ANKRD44: variants seen among roughly 807,000 people sequenced by gnomAD.
ANKRD44 encodes ankyrin repeat domain 44.
A neutral mutation model predicts 116.0 loss-of-function variants in ANKRD44; 35 were observed. The observed-to-expected ratio is 0.30, with a 90% CI of 0.23 to 0.40. ANKRD44 has a LOEUF of 0.40. ANKRD44 is among the 10% of genes least tolerant of loss of function. The pLI, the probability that ANKRD44 is intolerant of heterozygous loss-of-function variation, is 1.00. For synonymous variants in ANKRD44, 435 were observed against 461.8 expected, an observed-to-expected ratio of 0.94 and a Z score of 0.74; for missense variants, 1,014 against 1,242.6, an observed-to-expected ratio of 0.82 and a Z score of 2.77.
intron 5 of ANKRD44, 44 bp from the exon 6 acceptor site, chr2:197,125,512 G>T: frequency 6.5e-7 from 1 of 1,540,536 alleles, no homozygotes; most frequent in Non-Finnish European, 9.0e-7. Flanking sequence ...ATTCTGTAAT[G>T]GTGAGGCCTC....
chr2:197,059,360 C>G (rs1354215871), intron 16 of ANKRD44, among the ~76,000 whole-genome samples: 3 of 152,170 alleles, frequency 2.0e-5, no homozygotes, highest in Non-Finnish European at 2.9e-5. Flanking sequence ...TTTGGGACAG[C>G]ATTTTTAATG....
In ANKRD44 at chr2:197,115,395, G is replaced by A. The variant is rs547517193; in HGVS notation, c.907-4551C>T. Among the ~76,000 whole-genome samples, 4 of 152,276 alleles carry A rather than the reference G, an allele frequency of 2.6e-5. No homozygotes were observed. The East Asian group carries it at 7.7e-4, about 29-fold the overall frequency. ...TGTTCTACCTATTTACAAATTATAA[G>A]TAAACCATCAATTGATTATTGTATC... is the stretch of plus-strand genomic sequence containing the variant. On this transcript the variant is annotated intron_variant, in intron 8 of 27. Transcript: ENST00000282272.
At chr2:197,137,786 G>C in intron 3 of ANKRD44, among the ~76,000 whole-genome samples, 1 of 152,152 alleles carries the variant, frequency 6.6e-6, no homozygotes, top group South Asian at 2.1e-4. Context: ...TCAAAGTTGA[G>C]AGCCACTGAT....
intron 2 of ANKRD44, among the ~76,000 whole-genome samples, chr2:197,161,159 C>T (rs181593858): frequency 5.4e-4 from 82 of 152,218 alleles, no homozygotes; most frequent in Middle Eastern, 3.4e-3. Flanking sequence ...TGGCAGGCTT[C>T]GAAGCCCCTT....
At chr2:197,206,329 C>T (rs2081204561) in intron 1 of ANKRD44, among the ~76,000 whole-genome samples, 1 of 152,084 alleles carries the variant, frequency 6.6e-6, no homozygotes, top group Non-Finnish European at 1.5e-5. Flanking sequence ...TCTCTGCTGC[C>T]GTGAAGTTCA....
intron 1 of ANKRD44, among the ~76,000 whole-genome samples, chr2:197,267,268 T>C (rs2105760400): frequency 6.6e-6 from 1 of 152,380 alleles, no homozygotes; most frequent in South Asian, 2.1e-4. Context: ...TCTTTTAAAA[T>C]GCTAAAATCA....
chr2:197,144,784 G>A (rs1356034619), intron 3 of ANKRD44, among the ~76,000 whole-genome samples: 1 of 152,146 alleles, frequency 6.6e-6, no homozygotes, highest in African/African-American at 2.4e-5. Context: ...CCCTTGTGAA[G>A]GTGATGTGAA....
At position 196,988,287 on chromosome 2, in the gene ANKRD44, C is replaced by T. The variant is rs77106173; in HGVS notation, c.*1304G>A. 891 of 985,432 alleles carry T rather than the reference C, an allele frequency of 9.0e-4. 7 individuals are homozygous for T. In the East Asian group the frequency reaches 0.036, roughly 40 times the overall value. 61.0% of individuals were successfully genotyped at this position (985,432 alleles called of 1,614,324 possible). ...GACACCGCAGCATATTGTGCTTCTT[C>T]AACACTGAACCTCTCTTAATTTTCA... On this transcript the variant is annotated 3_prime_UTR_variant, in exon 28 of 28. Transcript: ENST00000282272.
At chr2:197,290,342 T>C (rs543120627) in intron 1 of ANKRD44, among the ~76,000 whole-genome samples, 1 of 152,350 alleles carries the variant, frequency 6.6e-6, no homozygotes, top group Admixed American at 6.5e-5. Flanking sequence ...TGCATTTCCC[T>C]GATGGTTAGT....
In ANKRD44 at chr2:197,139,848, TTGTGTGTGTGTGTGTG is replaced by T. The variant is rs71012957; in HGVS notation, c.191-3202_191-3187del. Among the ~76,000 whole-genome samples the T allele has an allele frequency of 1.5e-3, 192 of 131,668 alleles. 2 individuals carry two copies. Among genetic ancestry groups the T allele is most frequent in the African/African-American group, 3.9e-3 (133 of 34,336 alleles). 86.4% of individuals were successfully genotyped at this position (131,668 alleles called of 152,430 possible). A position where few individuals can be genotyped will look rare whatever the true frequency, so the allele number is the denominator to read the frequency against. The stretch of plus-strand genomic sequence containing the variant: ...TGGGGGAGGGGGGACTAAGCTGCTT[TTGTGTGTGTGTGTGTG>T]TGTGTGTGTGTGTGTGTGTGTGTGT... On this transcript the variant is annotated intron_variant, in intron 3 of 27. Transcript: ENST00000282272.
chr2:197,093,141 C>T (rs2078081605), intron 10 of ANKRD44, among the ~76,000 whole-genome samples: 1 of 151,402 alleles, frequency 6.6e-6, no homozygotes, highest in African/African-American at 2.4e-5. Flanking sequence ...CATATACACG[C>T]ATAAATAAAA....
chr2:197,230,928 A>G (rs2081845496), intron 1 of ANKRD44, among the ~76,000 whole-genome samples: 1 of 152,190 alleles, frequency 6.6e-6, no homozygotes. Flanking sequence ...ACCCCTGCCT[A>G]TATTCCATTG....
intron 21 of ANKRD44, among the ~76,000 whole-genome samples, chr2:196,968,306 G>T (rs2075689693): frequency 6.6e-6 from 1 of 152,170 alleles, no homozygotes; most frequent in Admixed American, 6.5e-5. Flanking sequence ...CTCCAGGAAT[G>T]GTTCCACAAA....
intron 15 of ANKRD44, among the ~76,000 whole-genome samples, chr2:197,081,048 G>A (rs1021354820): frequency 2.0e-5 from 3 of 152,160 alleles, no homozygotes; most frequent in East Asian, 1.9e-4. Context: ...AGAGGTTCCC[G>A]TGCATCTACA....
intron 1 of ANKRD44, among the ~76,000 whole-genome samples, chr2:197,229,646 A>T (rs553246773): frequency 6.6e-6 from 1 of 152,244 alleles, no homozygotes; most frequent in South Asian, 2.1e-4. Flanking sequence ...ACTTCCCTAA[A>T]GTCTATATAC....
rs190902603 is a variant in ANKRD44 at position 197,156,117 on chromosome 2, C to T, written c.112-9012G>A. 3.8e-3 allele frequency among the ~76,000 whole-genome samples: 574 copies of T among 152,280 alleles called. 5 individuals carry two copies. The highest frequency in any genetic ancestry group is 0.013 in the African/African-American group (536 of 41,556). Reference sequence around the variant, plus strand: ...ATCCCATCACTTTGGGAGGCCAAGGCGGGCGGATCACGAGGTCAGGAGATC... The same window carrying T: ...ATCCCATCACTTTGGGAGGCCAAGGTGGGCGGATCACGAGGTCAGGAGATC... On this transcript the variant is annotated intron_variant, in intron 2 of 27. Transcript: ENST00000282272.
intron 1 of ANKRD44, among the ~76,000 whole-genome samples, chr2:197,221,078 C>A (rs1021947718): frequency 6.6e-6 from 1 of 152,022 alleles, no homozygotes; most frequent in Non-Finnish European, 1.5e-5. Flanking sequence ...GGTGAAACCC[C>A]GTCTCTACTA....
chr2:197,006,824 G>A (rs2076210685), intron 20 of ANKRD44, among the ~76,000 whole-genome samples: 1 of 152,146 alleles, frequency 6.6e-6, no homozygotes. Flanking sequence ...AAACAGTTCA[G>A]AGGGTGCAAG....
chr2:197,237,120 C>T (rs1230239260), intron 1 of ANKRD44, among the ~76,000 whole-genome samples: 3 of 152,102 alleles, frequency 2.0e-5, no homozygotes, highest in Non-Finnish European at 4.4e-5. Context: ...CGTCAACTGT[C>T]GATCTTGTAT....
Sources: allele counts gnomAD v4.1 joint callset (sites outside exome capture counted in the v4.1 genomes callset), GRCh38; gene constraint gnomAD v4.1.1; transcripts MANE v1.5; gene names NCBI Gene and HGNC (gene_info 2026-07-23, HGNC 2026-07-21).